The following ATP13A1 variants were observed in gnomAD, a reference collection of about 807,000 sequenced individuals.
ATP13A1 encodes ATPase 13A1.
ATP13A1 carries 55 observed loss-of-function variants against 134.8 expected under a neutral mutation model. The observed-to-expected ratio is 0.41, with a 90% CI of 0.33 to 0.51. The LOEUF is 0.51. Ranked by LOEUF, ATP13A1 falls within the 20% of genes least tolerant of loss-of-function variation. The pLI is 0.29. For synonymous variants in ATP13A1, 775 were observed against 725.1 expected, an observed-to-expected ratio of 1.07 and a Z score of -1.10; for missense variants, 1,389 against 1,652.8, an observed-to-expected ratio of 0.84 and a Z score of 2.77.
chr19:19,661,439 C>G (rs2062093963), intron 1 of ATP13A1, among the ~76,000 whole-genome samples: 1 of 152,242 alleles, frequency 6.6e-6, no homozygotes, highest in African/African-American at 2.4e-5. Flanking sequence ...CACAGTCACA[C>G]AGCTCCCTTG....
chr19:19,653,842 T>A lies in ATP13A1; in HGVS notation c.2042A>T (p.Glu681Val). Residue 681 changes from glutamate (E) to valine (V), a missense_variant, in exon 15 of 26, where the codon GAA becomes GTA. Around this residue, in one of 4 missense-constraint regions of ATP13A1, gnomAD observed 747 missense variants for 956.1 expected, o/e 0.78. Coordinates refer to ENST00000357324, the MANE Select transcript of ATP13A1 (RefSeq NM_020410.3). This position sits in a 1 kb window ranked among gnomAD's most constrained non-coding sequence, Gnocchi z 4.2. ...CCCCAGCGCCAGGACGCGGGCTCCT[T>A]CCCGGGAGATCTCGGTGTGGATGTG... Reference protein sequence around the residue: ...YHHIHTEISREGARVLALGYK... With the variant: ...YHHIHTEISRVGARVLALGYK... The A allele has an allele frequency of 6.4e-7, 1 of 1,563,634 alleles. No individual in the cohort carries two copies. Among genetic ancestry groups the A allele is most frequent in the South Asian group, 1.2e-5 (1 of 84,760 alleles).
chr19:19,662,038 C>T (rs780534535), intron 1 of ATP13A1: 19 of 1,561,174 alleles, frequency 1.2e-5, no homozygotes, highest in Non-Finnish European at 1.6e-5. Flanking sequence ...AGAGCAGAAG[C>T]GGCCCTTTCT....
intron 16 of ATP13A1, among the ~76,000 whole-genome samples, chr19:19,652,160 G>A (rs2062028426): frequency 6.6e-6 from 1 of 152,062 alleles, no homozygotes; most frequent in Admixed American, 6.6e-5. Flanking sequence ...CATCACCCAT[G>A]TGACCCAGAG....
Position 19,647,160 on chromosome 19 carries a change from G to C in ATP13A1, c.3074C>G (p.Ala1025Gly), listed in dbSNP as rs760589698. The change falls in exon 22 of 26, where the codon GCC (alanine) becomes GGC (glycine). Residue 1025 changes from alanine to glycine, a missense_variant. This residue lies in a region of ATP13A1 where 228 missense variants were observed against 321.0 expected (regional missense o/e 0.71). Coordinates refer to ENST00000357324, the MANE Select transcript of ATP13A1 (RefSeq NM_020410.3). This position sits in a 1 kb window ranked among gnomAD's most constrained non-coding sequence, Gnocchi z 4.8. ...FQATLQGLLLAGCFLFISRSK... is the reference protein window; with the variant it reads ...FQATLQGLLLGGCFLFISRSK... ...ACGGGAGATGAAGAGGAAGCAGCCG[G>C]CCAGCAGCAGCCCCTGTAGGGTGGC... is the stretch of plus-strand genomic sequence containing the variant. The C allele has an allele frequency of 1.2e-6, 2 of 1,613,414 alleles. No homozygotes were observed. Among genetic ancestry groups the C allele is most frequent in the Non-Finnish European group, 1.7e-6 (2 of 1,179,608 alleles).
In ATP13A1 at chr19:19,654,468, G is replaced by A; in HGVS notation, c.1813+75C>T. On this transcript the variant is annotated intron_variant, in intron 13 of 25. Transcript: ENST00000357324. ...CTGCCTGTCCCCAAGATGCTCTGAG[G>A]GGTGCAGCCCACCTGCCTAGGGCTG... is the stretch of plus-strand genomic sequence containing the variant. 4 of 1,489,560 alleles carry A rather than the reference G, an allele frequency of 2.7e-6. No individual in the cohort carries two copies. The South Asian group carries it at 5.3e-5, about 20-fold the overall frequency. The allele number at this position is 1,489,560 out of a possible 1,614,324, so 92.3% of individuals were successfully genotyped here. A position where few individuals can be genotyped will look rare whatever the true frequency, so the allele number is the denominator to read the frequency against.
chr19:19,646,090 G>T (rs2061983584), intron 23 of ATP13A1, 105 bp from the exon 24 acceptor site: 6 of 1,592,060 alleles, frequency 3.8e-6, no homozygotes, highest in Non-Finnish European at 5.2e-6. Context: ...GCCTGGCCTA[G>T]TGCCCCTCCC....
intron 17 of ATP13A1, chr19:19,650,168 C>G (rs1377735858): frequency 3.4e-6 from 2 of 588,472 alleles, no homozygotes; most frequent in Non-Finnish European, 6.1e-6. Flanking sequence ...CCTGAGAGCC[C>G]GGGACACAGC....
In ATP13A1 at chr19:19,661,416, T is replaced by C. The variant is rs547746721; in HGVS notation, c.397-1429A>G. Among the ~76,000 whole-genome samples, 6 of 152,334 alleles carry C rather than the reference T, an allele frequency of 3.9e-5. No individual in the cohort carries two copies. The Middle Eastern group carries it at 0.02, about 518-fold the overall frequency. ...AAGGGCCTTGGCATGTGCTGTTTTC[T>C]CTGCCCGGAATACACAGTCACACAG... On this transcript the variant is annotated intron_variant, in intron 1 of 25. Transcript: ENST00000357324.
In ATP13A1 at chr19:19,647,159, G is replaced by A. The variant is rs751656645; in HGVS notation, c.3075C>T (p.Ala1025=). Residue 1025 remains alanine, a synonymous_variant, in exon 22 of 26, where the codon GCC becomes GCT. Coordinates refer to ENST00000357324, the MANE Select transcript of ATP13A1 (RefSeq NM_020410.3). The surrounding 1 kb of genome is among the most constrained non-coding windows in gnomAD (Gnocchi z 4.8). ...FQATLQGLLL[A]GCFLFISRSK... is the part of the protein sequence containing the mutation. ...AACGGGAGATGAAGAGGAAGCAGCC[G>A]GCCAGCAGCAGCCCCTGTAGGGTGG... 23 of 1,613,334 alleles carry A rather than the reference G, an allele frequency of 1.4e-5. No individual in the cohort carries two copies. In the East Asian group the frequency reaches 2.5e-4, roughly 17 times the overall value.
At chr19:19,658,306 T>C (rs1599436940) in intron 3 of ATP13A1, among the ~76,000 whole-genome samples, 2 of 152,136 alleles carry the variant, frequency 1.3e-5, no homozygotes, top group African/African-American at 4.8e-5. Context: ...ATGGACGTCT[T>C]ATGTATGGGA....
Position 19,645,940 on chromosome 19 carries a change from C to G in ATP13A1, c.3294G>C (p.Leu1098=). The G allele has an allele frequency of 6.2e-7, 1 of 1,613,550 alleles. No homozygotes were observed. The highest frequency in any genetic ancestry group is 8.5e-7 in the Non-Finnish European group (1 of 1,179,862). Residue 1098 remains leucine, a synonymous_variant, in exon 24 of 26, where the codon CTG becomes CTC. Coordinates refer to ENST00000357324, the MANE Select transcript of ATP13A1 (RefSeq NM_020410.3). The surrounding 1 kb of genome is among the most constrained non-coding windows in gnomAD (Gnocchi z 4.1). ...CCATGATGTAGACGGTGCTGTTGAC[C>G]AGGCTTGGCTCAAACTCCTTGTACA... is the stretch of plus-strand genomic sequence containing the variant. The part of the protein sequence containing the change: ...VDLYKEFEPS[L]VNSTVYIMAM...
chr19:19,663,120 G>C (rs562356438), intron 1 of ATP13A1, 151 bp downstream of exon 1: 2 of 1,175,314 alleles, frequency 1.7e-6, no homozygotes, highest in African/African-American at 3.0e-5. Flanking sequence ...TCATGATTAA[G>C]CCTGCGCCAA....
At chr19:19,654,828 G>A in intron 12 of ATP13A1, 128 bp from the exon 13 acceptor site, 1 of 1,145,432 alleles carries the variant, frequency 8.7e-7, no homozygotes, top group Non-Finnish European at 1.2e-6. Context: ...GGCGCCAACT[G>A]GGTCTTTATG....
chr19:19,647,624 G>A lies in ATP13A1; in HGVS notation c.2768C>T (p.Ser923Phe). The A allele has an allele frequency of 6.2e-7, 1 of 1,613,446 alleles. No homozygotes were observed. ...TAKQRSGLPP[S>F]EEQPTSQRDR... ...CCTCTGGGAGGTTGGCTGCTCCTCG[G>A]AGGGAGGGAGCCCCGACCGCTGCTT... The change falls in exon 20 of 26, where the codon TCC becomes TTC. Residue 923 changes from serine (S) to phenylalanine (F), a missense_variant. Physicochemically the swap from Ser to Phe is radical, Grantham distance 155. This residue lies in a region of ATP13A1 where 121 missense variants were observed against 104.9 expected (regional missense o/e 1.15). Transcript: ENST00000357324. This position sits in a 1 kb window ranked among gnomAD's most constrained non-coding sequence, Gnocchi z 4.8.
Position 19,653,828 on chromosome 19 carries a change from G to A in ATP13A1, c.2056C>T (p.Leu686=), listed in dbSNP as rs372517838. The A allele has an allele frequency of 1.3e-4, 206 of 1,559,854 alleles. 1 individual carries two copies. The South Asian group carries it at 2.2e-3, about 17-fold the overall frequency. ...CCCAGCTCCTTGTACCCCAGCGCCAGGACGCGGGCTCCTTCCCGGGAGATC... is the reference window on the plus strand; with the variant it reads ...CCCAGCTCCTTGTACCCCAGCGCCAAGACGCGGGCTCCTTCCCGGGAGATC... ...TEISREGARV[L]ALGYKELGHL... Residue 686 remains leucine (L), a synonymous_variant, in exon 15 of 26, where the codon CTG becomes TTG. Transcript: ENST00000357324. The surrounding 1 kb of genome is among the most constrained non-coding windows in gnomAD (Gnocchi z 4.2).
intron 17 of ATP13A1, 70 bp from the exon 18 acceptor site, chr19:19,650,010 C>G (rs1349688185): frequency 1.4e-6 from 2 of 1,385,822 alleles, no homozygotes; most frequent in Non-Finnish European, 2.0e-6. Context: ...TCCCTCCACT[C>G]GGACCCCAGC....
Position 19,645,733 on chromosome 19 carries a change from C to G in ATP13A1, c.3418G>C (p.Val1140Leu), listed in dbSNP as rs779532332. The G allele has an allele frequency of 6.2e-7, 1 of 1,600,540 alleles. No individual in the cohort carries two copies. The highest frequency in any genetic ancestry group is 8.5e-7 in the Non-Finnish European group (1 of 1,173,986). Reference protein sequence around the residue: ...ENKPLVWSLAVSLLAIIGLLL... With the variant: ...ENKPLVWSLALSLLAIIGLLL... Reference sequence around the variant, plus strand: ...AGGCCAATGATGGCCAGGAGTGAAACTGCCAGACTCCACACCAGGGGCTTG... The same window carrying G: ...AGGCCAATGATGGCCAGGAGTGAAAGTGCCAGACTCCACACCAGGGGCTTG... The change falls in exon 25 of 26, where the codon GTT becomes CTT. Residue 1140 changes from valine to leucine, a missense_variant. Val to Leu is a conservative substitution (Grantham distance 32). Around this residue, in one of 4 missense-constraint regions of ATP13A1, gnomAD observed 228 missense variants for 321.0 expected, o/e 0.71. Transcript: ENST00000357324. The surrounding 1 kb of genome is among the most constrained non-coding windows in gnomAD (Gnocchi z 4.1).
chr19:19,647,004 C>G lies in ATP13A1; in HGVS notation c.3105+125G>C, dbSNP rs1002087172. On this transcript the variant is annotated intron_variant, in intron 22 of 25. Coordinates refer to ENST00000357324, the MANE Select transcript of ATP13A1 (RefSeq NM_020410.3). The surrounding 1 kb of genome is among the most constrained non-coding windows in gnomAD (Gnocchi z 4.8). ...CCTGCCAGCATTTCCTGAGCCATCC[C>G]AGCTACAGCCCCCATCTCTGGGGCC... 3.7e-6 allele frequency: 4 copies of G among 1,089,192 alleles called. No homozygotes were observed. Among genetic ancestry groups the G allele is most frequent in the Non-Finnish European group, 5.2e-6 (4 of 776,530 alleles). 67.5% of individuals were successfully genotyped at this position (1,089,192 alleles called of 1,614,324 possible). A position where few individuals can be genotyped will look rare whatever the true frequency, so the allele number is the denominator to read the frequency against.
At chr19:19,657,268 C>A in intron 4 of ATP13A1, 68 bp downstream of exon 4, 1 of 1,512,508 alleles carries the variant, frequency 6.6e-7, no homozygotes, top group Non-Finnish European at 8.9e-7. Context: ...AAGTGGTGGG[C>A]AGGCTTGATC....
Sources: allele counts gnomAD v4.1 joint callset (sites outside exome capture counted in the v4.1 genomes callset), GRCh38; gene constraint gnomAD v4.1.1; regional missense constraint gnomAD v4.1.1; non-coding constraint Gnocchi (gnomAD v3.1); transcripts MANE v1.5; gene names NCBI Gene and HGNC (gene_info 2026-07-23, HGNC 2026-07-21).